RSRC1: variants seen among roughly 807,000 people sequenced by gnomAD.
RSRC1 encodes the protein arginine and serine rich coiled-coil 1, also known as serine/Arginine-related protein 53.
A neutral mutation model predicts 49.1 loss-of-function variants in RSRC1; 39 were observed. The observed-to-expected ratio is 0.79, with a 90% CI of 0.61 to 1.04. The LOEUF (loss-of-function observed/expected upper bound fraction) is 1.04. RSRC1 is among the 50% of genes least tolerant of loss of function. The pLI, the probability that RSRC1 is intolerant of heterozygous loss-of-function variation, is 0.00. For missense variants in RSRC1, 388 were observed against 402.4 expected, an observed-to-expected ratio of 0.96 and a Z score of 0.31; for synonymous variants, 143 against 130.8, an observed-to-expected ratio of 1.09 and a Z score of -0.63.
intron 6 of RSRC1, among the ~76,000 whole-genome samples, chr3:158,389,804 A>C (rs1444212480): frequency 6.6e-6 from 1 of 152,164 alleles, no homozygotes; most frequent in African/African-American, 2.4e-5. Context: ...ACATGGAATA[A>C]TTCTTTCCAG....
intron 6 of RSRC1, among the ~76,000 whole-genome samples, chr3:158,433,865 C>CGA: frequency 6.6e-6 from 1 of 151,868 alleles, no homozygotes; most frequent in Non-Finnish European, 1.5e-5. Flanking sequence ...TAAGATTATT[C>CGA]AAATTTTAAT....
chr3:158,344,088 G>A (rs375871322), intron 5 of RSRC1, among the ~76,000 whole-genome samples: 22 of 151,992 alleles, frequency 1.4e-4, no homozygotes, highest in African/African-American at 3.9e-4. Context: ...GTAAAACCCC[G>A]TCTCTACAAA....
chr3:158,149,250 T>G (rs765595310), intron 3 of RSRC1, among the ~76,000 whole-genome samples: 12 of 152,124 alleles, frequency 7.9e-5, no homozygotes, highest in Non-Finnish European at 1.5e-4. Context: ...ATATTTCTAT[T>G]TTAGCTTTAG....
intron 7 of RSRC1, among the ~76,000 whole-genome samples, chr3:158,534,780 G>C (rs1209171791): frequency 6.6e-6 from 1 of 151,366 alleles, no homozygotes; most frequent in Non-Finnish European, 1.5e-5. Context: ...AAAATAGAAT[G>C]CAGAACTCTC....
chr3:158,166,634 A>G (rs746197622), intron 3 of RSRC1, among the ~76,000 whole-genome samples: 2 of 152,176 alleles, frequency 1.3e-5, no homozygotes, highest in African/African-American at 4.8e-5. Context: ...CAAGTTCATT[A>G]TTCAAGAATT....
In RSRC1 at chr3:158,544,452, A is replaced by G. The variant is rs182582662; in HGVS notation, c.*177A>G. 4.0e-4 allele frequency: 163 copies of G among 404,420 alleles called. 1 individual carries two copies. Among genetic ancestry groups the G allele is most frequent in the East Asian group, 3.9e-3 (99 of 25,604 alleles). 25.1% of individuals were successfully genotyped at this position (404,420 alleles called of 1,614,324 possible). On this transcript the variant is annotated 3_prime_UTR_variant, in exon 10 of 10. Coordinates refer to ENST00000611884, the MANE Select transcript of RSRC1 (RefSeq NM_001271838.2). The stretch of plus-strand genomic sequence containing the variant: ...TATTTGTTAATTTGAATTAAATCAA[A>G]CATTGTAAAAATTAAAACAAAATTT...
intron 5 of RSRC1, among the ~76,000 whole-genome samples, chr3:158,304,263 A>G (rs950114187): frequency 2.0e-5 from 3 of 152,170 alleles, no homozygotes; most frequent in Non-Finnish European, 4.4e-5. Flanking sequence ...GTATTCATCA[A>G]TAACTATCAG....
chr3:158,299,801 TTTATA>T (rs202156184), intron 5 of RSRC1, among the ~76,000 whole-genome samples: 72,277 of 151,912 alleles, frequency 0.48, 17,734 homozygotes, highest in East Asian at 0.64. Flanking sequence ...ATTTCACACA[TTTATA>T]TTGTACTTAT....
intron 6 of RSRC1, among the ~76,000 whole-genome samples, chr3:158,378,119 G>A (rs752863646): frequency 1.3e-5 from 2 of 151,944 alleles, no homozygotes; most frequent in Non-Finnish European, 2.9e-5. Context: ...ATTTAGTGAA[G>A]TTTAAAATTT....
intron 4 of RSRC1, among the ~76,000 whole-genome samples, chr3:158,213,997 T>A (rs939757956): frequency 2.6e-5 from 4 of 151,714 alleles, no homozygotes; most frequent in Non-Finnish European, 5.9e-5. Context: ...CAACCACAGA[T>A]CAGAAATGTT....
chr3:158,145,678 G>C (rs1717049214), intron 3 of RSRC1, among the ~76,000 whole-genome samples: 1 of 152,136 alleles, frequency 6.6e-6, no homozygotes, highest in South Asian at 2.1e-4. Flanking sequence ...GAAAGTCATT[G>C]GCAGCTTGAT....
At chr3:158,336,024 G>A (rs1240849947) in intron 5 of RSRC1, among the ~76,000 whole-genome samples, 1 of 152,188 alleles carries the variant, frequency 6.6e-6, no homozygotes, top group East Asian at 1.9e-4. Context: ...TAATTCCAGA[G>A]GAGGACTCAT....
intron 5 of RSRC1, among the ~76,000 whole-genome samples, chr3:158,339,152 C>T (rs533874661): frequency 2.0e-5 from 3 of 151,882 alleles, no homozygotes; most frequent in African/African-American, 7.2e-5. Context: ...ATTAGCCGGG[C>T]GCGGTGGCGG....
chr3:158,446,388 A>G (rs936021136), intron 6 of RSRC1, among the ~76,000 whole-genome samples: 9 of 151,890 alleles, frequency 5.9e-5, no homozygotes, highest in African/African-American at 2.2e-4. Flanking sequence ...TCTGTTTGAT[A>G]TATTTTTATT....
At chr3:158,339,093 C>T (rs1232061794) in intron 5 of RSRC1, among the ~76,000 whole-genome samples, 2 of 151,374 alleles carry the variant, frequency 1.3e-5, no homozygotes, top group Non-Finnish European at 2.9e-5. Context: ...GAGATTGAGA[C>T]CATCCTGGCT....
At chr3:158,351,911 AATATT>A (rs1013421496) in intron 5 of RSRC1, among the ~76,000 whole-genome samples, 7 of 146,770 alleles carry the variant, frequency 4.8e-5, no homozygotes, top group African/African-American at 1.7e-4. Flanking sequence ...TAATTATATA[AATATT>A]ATATATATAT....
At chr3:158,482,209 C>T (rs927981311) in intron 7 of RSRC1, among the ~76,000 whole-genome samples, 1 of 146,878 alleles carries the variant, frequency 6.8e-6, no homozygotes, top group African/African-American at 2.4e-5. Context: ...AGAAAGCTAC[C>T]ACTCAGCAGA....
chr3:158,365,119 T>C (rs376576616), intron 6 of RSRC1, among the ~76,000 whole-genome samples: 3 of 152,104 alleles, frequency 2.0e-5, no homozygotes, highest in Non-Finnish European at 4.4e-5. Context: ...AAAGACATTA[T>C]CAGGAATTAA....
At position 158,158,254 on chromosome 3, in the gene RSRC1, A is replaced by G. The variant is rs1295145579; in HGVS notation, c.320+34263A>G. Among the ~76,000 whole-genome samples, 6 of 152,226 alleles carry G rather than the reference A, an allele frequency of 3.9e-5. No homozygotes were observed. In the East Asian group the frequency reaches 9.7e-4, roughly 25 times the overall value. The stretch of plus-strand genomic sequence containing the variant: ...GGGTTTGAGCTATGTGAGTTCACTT[A>G]CAACAGTTTTTTTTCAAACATGGAT... On this transcript the variant is annotated intron_variant, in intron 3 of 9. Transcript: ENST00000611884.
Sources: allele counts gnomAD v4.1 joint callset (sites outside exome capture counted in the v4.1 genomes callset), GRCh38; gene constraint gnomAD v4.1.1; transcripts MANE v1.5; gene names NCBI Gene and HGNC (gene_info 2026-07-23, HGNC 2026-07-21).